TRIP13: variants seen among roughly 807,000 people sequenced by gnomAD.
TRIP13 encodes the protein pachytene checkpoint protein 2 homolog.
A neutral mutation model predicts 54.4 loss-of-function variants in TRIP13; 25 were observed. That is an observed-to-expected ratio of 0.46 (90% CI 0.33 to 0.64). The LOEUF (loss-of-function observed/expected upper bound fraction) is 0.64. Ranked by LOEUF, TRIP13 falls within the 30% of genes least tolerant of loss-of-function variation. TRIP13 has a pLI of 0.02. For synonymous variants in TRIP13, 207 were observed against 207.8 expected (o/e 1.00, Z 0.03); for missense variants, 373 against 534.2 (o/e 0.70, Z 2.97).
Position 911,440 on chromosome 5 carries a change from G to A in TRIP13, c.867-403G>A, listed in dbSNP as rs771977776. 2.0e-5 allele frequency among the ~76,000 whole-genome samples: 3 copies of A among 152,146 alleles called. No individual in the cohort carries two copies. Among genetic ancestry groups the A allele is most frequent in the Non-Finnish European group, 2.9e-5 (2 of 68,006 alleles). On this transcript the variant is annotated intron_variant, in intron 9 of 12. Coordinates refer to ENST00000166345, the MANE Select transcript of TRIP13 (RefSeq NM_004237.4). This position sits in a 1 kb window ranked among gnomAD's most constrained non-coding sequence, Gnocchi z 4.7. ...CAAAAAATTAGCCGGGCACGGTGGCGGGCGCCTGTAGTCCCGGCTACTTGG... is the reference window on the plus strand; with the variant it reads ...CAAAAAATTAGCCGGGCACGGTGGCAGGCGCCTGTAGTCCCGGCTACTTGG...
chr5:915,960 C>T lies in TRIP13; in HGVS notation c.1190C>T (p.Ala397Val), dbSNP rs1457989508. The T allele has an allele frequency of 1.9e-6, 3 of 1,614,082 alleles. No individual in the cohort carries two copies. The highest frequency in any genetic ancestry group is 2.5e-6 in the Non-Finnish European group (3 of 1,179,970). ...AGAAAACTCCCCTTTCTGGCTCATG[C>T]GCTGTATGTCCAGGTGAGTCTCCAC... ...VLRKLPFLAH[A>V]LYVQAPTVTI... Residue 397 changes from alanine to valine, a missense_variant, in exon 12 of 13, where the codon GCG becomes GTG. By Grantham distance (64) the Ala-to-Val change is moderately conservative (BLOSUM62 0). This residue lies in a region of TRIP13 where 101 missense variants were observed against 138.5 expected (regional missense o/e 0.73). Coordinates refer to ENST00000166345, the MANE Select transcript of TRIP13 (RefSeq NM_004237.4). This position sits in a 1 kb window ranked among gnomAD's most constrained non-coding sequence, Gnocchi z 4.2.
At chr5:896,071 T>C (rs547098171) in intron 2 of TRIP13, among the ~76,000 whole-genome samples, 1 of 151,880 alleles carries the variant, frequency 6.6e-6, no homozygotes, top group Non-Finnish European at 1.5e-5. Flanking sequence ...CCCAGCACTG[T>C]GGGAGAAGGA....
chr5:902,013 A>G (rs1754002632), intron 5 of TRIP13, among the ~76,000 whole-genome samples: 1 of 152,232 alleles, frequency 6.6e-6, no homozygotes, highest in Non-Finnish European at 1.5e-5. Context: ...CGTGGATAAT[A>G]CTAAACCTTA....
rs769246579 is a variant in TRIP13 at position 896,667 on chromosome 5, C to T, written c.261C>T (p.Pro87=). Residue 87 remains proline (P), a splice_region_variant and synonymous_variant, in exon 3 of 13, where the codon CCC becomes CCT. Coordinates refer to ENST00000166345, the MANE Select transcript of TRIP13 (RefSeq NM_004237.4). ...TATTGGCTTTTCCCTCATTTTAGCC[C>T]ATCGATTTGAGTGCATGCACTGTTG... The part of the protein sequence containing the change: ...DTELKVKDSQ[P]IDLSACTVAL... 1.2e-6 allele frequency: 2 copies of T among 1,604,588 alleles called. No homozygotes were observed. Among genetic ancestry groups the T allele is most frequent in the South Asian group, 2.2e-5 (2 of 89,812 alleles).
chr5:914,416 C>T, intron 10 of TRIP13, 49 bp from the exon 11 acceptor site: 1 of 1,399,254 alleles, frequency 7.1e-7, no homozygotes, highest in South Asian at 1.2e-5. Flanking sequence ...GGTGCCTACG[C>T]TCAGGCCTCT....
rs1298243959 is a variant in TRIP13, at chr5:917,711, A to C, written c.*608A>C. On this transcript the variant is annotated 3_prime_UTR_variant, in exon 13 of 13. Transcript: ENST00000166345. ...ATAATAAATAATCAGACATGGTCCCATTTGCAGGAAAAGTGCAGACTCTGA... is the reference window on the plus strand; with the variant it reads ...ATAATAAATAATCAGACATGGTCCCCTTTGCAGGAAAAGTGCAGACTCTGA... 1 of 152,278 alleles carries C rather than the reference A, an allele frequency of 6.6e-6. No individual in the cohort carries two copies. 9.4% of individuals were successfully genotyped at this position (152,278 alleles called of 1,614,324 possible). A position where few individuals can be genotyped will look rare whatever the true frequency, so the allele number is the denominator to read the frequency against.
In TRIP13 at chr5:900,724, T is replaced by C. The variant is rs72703173; in HGVS notation, c.444+175T>C. On this transcript the variant is annotated intron_variant, in intron 4 of 12. Transcript: ENST00000166345. Reference sequence around the variant, plus strand: ...TAGTATTGCTCCAGAGTAGAGCTGGTCTCTGAGGAGCTCCCTGAGGGAGAA... The same window carrying C: ...TAGTATTGCTCCAGAGTAGAGCTGGCCTCTGAGGAGCTCCCTGAGGGAGAA... 0.042 allele frequency among the ~76,000 whole-genome samples: 6,356 copies of C among 152,190 alleles called. 151 individuals carry two copies. The highest frequency in any genetic ancestry group is 0.049 in the Non-Finnish European group (3,337 of 68,004).
rs1242525350 is a variant in TRIP13, at chr5:892,926, T to C, written c.-73T>C. ...GGGGCCCGCGGGCTGAGGCAGCGGC[T>C]GTGGCGGCGACGCTGGGCGTGAGGT... On this transcript the variant is annotated 5_prime_UTR_variant, in exon 1 of 13. Transcript: ENST00000166345. The C allele has an allele frequency of 4.5e-6, 6 of 1,345,468 alleles. No individual in the cohort carries two copies. The highest frequency in any genetic ancestry group is 5.8e-6 in the Non-Finnish European group (6 of 1,027,104). The allele number at this position is 1,345,468 out of a possible 1,614,324, so 83.3% of individuals were successfully genotyped here.
At chr5:896,525 C>T (rs1000596435) in intron 2 of TRIP13, 140 bp from the exon 3 acceptor site, 8 of 804,210 alleles carry the variant, frequency 9.9e-6, no homozygotes, top group Non-Finnish European at 1.4e-5. Context: ...AAATAATAGC[C>T]TTCTCATCTA....
At position 917,025 on chromosome 5, in the gene TRIP13, A is replaced by G. The variant is rs369389406; in HGVS notation, c.1221A>G (p.Ile407Met). 3.5e-5 allele frequency: 56 copies of G among 1,614,006 alleles called. No homozygotes were observed. Among genetic ancestry groups the G allele is most frequent in the Non-Finnish European group, 4.7e-5 (55 of 1,180,036 alleles). ...CCTTCTAGGCCCCCACCGTCACCAT[A>G]GAGGGGTTCCTCCAGGCCCTGTCTC... ...ALYVQAPTVTIEGFLQALSLA... is the reference protein window; with the variant it reads ...ALYVQAPTVTMEGFLQALSLA... Residue 407 changes from isoleucine (I) to methionine (M), a missense_variant, in exon 13 of 13, where the codon ATA becomes ATG. Ile to Met is a conservative substitution (Grantham distance 10). This residue lies in a region of TRIP13 where 101 missense variants were observed against 138.5 expected (regional missense o/e 0.73). Coordinates refer to ENST00000166345, the MANE Select transcript of TRIP13 (RefSeq NM_004237.4).
rs539961378 is a variant in TRIP13 at position 911,564 on chromosome 5, C to G, written c.867-279C>G. Reference sequence around the variant, plus strand: ...CCAGCCTGGGCGAAAGAGCGAGACTCTGTCTCAAAAAAAAAAAAAAAGGAA... The same window carrying G: ...CCAGCCTGGGCGAAAGAGCGAGACTGTGTCTCAAAAAAAAAAAAAAAGGAA... On this transcript the variant is annotated intron_variant, in intron 9 of 12. Coordinates refer to ENST00000166345, the MANE Select transcript of TRIP13 (RefSeq NM_004237.4). This position sits in a 1 kb window ranked among gnomAD's most constrained non-coding sequence, Gnocchi z 4.7. 3.6e-5 allele frequency among the ~76,000 whole-genome samples: 5 copies of G among 138,736 alleles called. No individual in the cohort carries two copies. The highest frequency in any genetic ancestry group is 7.6e-5 in the African/African-American group (3 of 39,638). The allele number at this position is 138,736 out of a possible 152,430, so 91.0% of individuals were successfully genotyped here. A position where few individuals can be genotyped will look rare whatever the true frequency, so the allele number is the denominator to read the frequency against.
In TRIP13 at chr5:894,919, T is replaced by A. The variant is rs772744826; in HGVS notation, c.225T>A (p.Ile75=). The A allele has an allele frequency of 9.9e-6, 16 of 1,612,634 alleles. No homozygotes were observed. The highest frequency in any genetic ancestry group is 1.4e-5 in the Non-Finnish European group (16 of 1,179,756). ...FLTRNVQSVS[I]IDTELKVKDS... ...CCAGAAATGTGCAGTCTGTGTCTAT[T>A]ATTGACACAGAATTAAAGGTTAAAG... Residue 75 remains isoleucine, a synonymous_variant, in exon 2 of 13, where the codon ATT becomes ATA. Transcript: ENST00000166345.
intron 10 of TRIP13, among the ~76,000 whole-genome samples, chr5:914,050 T>C (rs1289303839): frequency 6.6e-6 from 1 of 152,082 alleles, no homozygotes; most frequent in Non-Finnish European, 1.5e-5. Flanking sequence ...AGGATCCTGC[T>C]TTGGAAGTCA....
chr5:894,933 T>G lies in TRIP13; in HGVS notation c.239T>G (p.Leu80Ter). Residue 80 changes from leucine (L) to a stop codon, truncating the protein, a stop_gained, in exon 2 of 13, where the codon TTA becomes TGA. Coordinates refer to ENST00000166345, the MANE Select transcript of TRIP13 (RefSeq NM_004237.4). LOFTEE classifies it high-confidence loss of function. ...VQSVSIIDTELKVKDSQPIDL... is the reference protein window; with the variant it reads ...VQSVSIIDTE ...TCTGTGTCTATTATTGACACAGAATTAAAGGTTAAAGACTCACAGGTAAGT... is the reference window on the plus strand; with the variant it reads ...TCTGTGTCTATTATTGACACAGAATGAAAGGTTAAAGACTCACAGGTAAGT... 1 of 1,610,362 alleles carries G rather than the reference T, an allele frequency of 6.2e-7. No individual in the cohort carries two copies. The highest frequency in any genetic ancestry group is 8.5e-7 in the Non-Finnish European group (1 of 1,179,084).
rs772822074 is a variant in TRIP13 at position 915,866 on chromosome 5, A to G, written c.1134-38A>G. ...AATTAGTCCTGAAACGTGTGATTGT[A>G]TAAATTGCTGTCTCTGAACTGGGTT... On this transcript the variant is annotated intron_variant, in intron 11 of 12. Coordinates refer to ENST00000166345, the MANE Select transcript of TRIP13 (RefSeq NM_004237.4). The surrounding 1 kb of genome is among the most constrained non-coding windows in gnomAD (Gnocchi z 4.2). 2 of 1,610,998 alleles carry G rather than the reference A, an allele frequency of 1.2e-6. No homozygotes were observed. Among genetic ancestry groups the G allele is most frequent in the Non-Finnish European group, 1.7e-6 (2 of 1,177,146 alleles).
At position 912,672 on chromosome 5, in the gene TRIP13, C is replaced by T. The variant is rs556876323; in HGVS notation, c.1020+676C>T. ...GGTGAGTGTGAGTCAGTAAGGCCGT[C>T]GCCATGGGCACAGTGACGCGTGTGG... On this transcript the variant is annotated intron_variant, in intron 10 of 12. Transcript: ENST00000166345. This position sits in a 1 kb window ranked among gnomAD's most constrained non-coding sequence, Gnocchi z 7.2. 2.6e-5 allele frequency among the ~76,000 whole-genome samples: 4 copies of T among 151,428 alleles called. No homozygotes were observed. Among genetic ancestry groups the T allele is most frequent in the Non-Finnish European group, 2.9e-5 (2 of 67,814 alleles).
At chr5:914,389 C>T in intron 10 of TRIP13, 76 bp from the exon 11 acceptor site, 1 of 972,118 alleles carries the variant, frequency 1.0e-6, no homozygotes, top group Non-Finnish European at 1.6e-6. Context: ...CCTGCAGGTG[C>T]TGTCCCTCTT....
chr5:916,304 C>T (rs1754339872), intron 12 of TRIP13, among the ~76,000 whole-genome samples: 1 of 152,222 alleles, frequency 6.6e-6, no homozygotes, highest in African/African-American at 2.4e-5. Flanking sequence ...GTTCAGCTCA[C>T]ATAGAACAGT....
intron 5 of TRIP13, among the ~76,000 whole-genome samples, chr5:902,214 A>G (rs1254782929): frequency 6.6e-6 from 1 of 152,202 alleles, no homozygotes; most frequent in African/African-American, 2.4e-5. Flanking sequence ...TGTTGTCAAT[A>G]TCACCGGGTA....
Sources: gnomAD v4.1 joint callset for allele counts (sites outside exome capture counted in the v4.1 genomes callset) on GRCh38, gnomAD v4.1.1 for gene constraint, gnomAD v4.1.1 regional missense constraint, Gnocchi (gnomAD v3.1) non-coding constraint, MANE v1.5 for transcripts, NCBI Gene and HGNC (gene_info 2026-07-23, HGNC 2026-07-21) for gene names.